The following KCNC2 variants were observed in gnomAD, a reference collection of about 807,000 sequenced individuals.
The protein encoded by KCNC2 is potassium voltage-gated channel subfamily C member 2, also known as voltage-gated potassium channel KCNC2.
KCNC2 carries 21 observed loss-of-function variants against 44.5 expected under a neutral mutation model. The observed-to-expected ratio is 0.47, with a 90% confidence interval of 0.33 to 0.68. KCNC2 has a LOEUF of 0.68. KCNC2 is among the 30% of genes least tolerant of loss of function. The pLI is 0.01. For synonymous variants in KCNC2, 391 were observed against 339.1 expected, an observed-to-expected ratio of 1.15 and a Z score of -1.68; for missense variants, 589 against 826.2, an observed-to-expected ratio of 0.71 and a Z score of 3.52.
rs1565840216 is a variant in KCNC2, at chr12:75,084,251, TGATGATA to T, written c.688-32941_688-32935del. Among the ~76,000 whole-genome samples, 52 of 135,512 alleles carry T rather than the reference TGATGATA, an allele frequency of 3.8e-4. No homozygotes were observed. In the Middle Eastern group the frequency reaches 0.011, roughly 29 times the overall value. 88.9% of individuals were successfully genotyped at this position (135,512 alleles called of 152,430 possible). On this transcript the variant is annotated intron_variant, in intron 2 of 4. Transcript: ENST00000549446. Reference sequence around the variant, plus strand: ...TAGATATAGATAGATAGATAGATGATGATGATAGATAGATAGATTAGATAGATAGATA... The same window carrying T: ...TAGATATAGATAGATAGATAGATGATGATAGATAGATTAGATAGATAGATA...
intron 2 of KCNC2, among the ~76,000 whole-genome samples, chr12:75,205,832 G>A (rs1245110008): frequency 7.2e-6 from 1 of 138,050 alleles, no homozygotes; most frequent in African/African-American, 2.8e-5. Context: ...TTGTTTGGTT[G>A]GTTTGGGTTT....
At position 75,146,016 on chromosome 12, in the gene KCNC2, C is replaced by T. The variant is rs564840654; in HGVS notation, c.687+61281G>A. On this transcript the variant is annotated intron_variant, in intron 2 of 4. Coordinates refer to ENST00000549446, the MANE Select transcript of KCNC2 (RefSeq NM_139137.4). ...TTGCCCAGGCTTGAGTGCAGTGGCG[C>T]GATCTCTGTTCACTGCAGGTTCCAC... Among the ~76,000 whole-genome samples, 16 of 149,280 alleles carry T rather than the reference C, an allele frequency of 1.1e-4. No homozygotes were observed. In the East Asian group the frequency reaches 1.6e-3, roughly 15 times the overall value.
chr12:75,070,109 G>T (rs1052514590), intron 2 of KCNC2, among the ~76,000 whole-genome samples: 3 of 152,124 alleles, frequency 2.0e-5, no homozygotes, highest in African/African-American at 7.2e-5. Flanking sequence ...ATGAATAAAA[G>T]AATATTGATA....
At chr12:75,147,657 A>T (rs1335402656) in intron 2 of KCNC2, among the ~76,000 whole-genome samples, 3 of 152,158 alleles carry the variant, frequency 2.0e-5, no homozygotes, top group Non-Finnish European at 4.4e-5. Flanking sequence ...GCAAGACGAA[A>T]TTTTCTGAGC....
chr12:75,042,131 G>T lies in KCNC2; in HGVS notation c.*974C>A. On this transcript the variant is annotated 3_prime_UTR_variant, in exon 5 of 5. Transcript: ENST00000549446. ...AATTAATAAATAAAAATAAAATAAG[G>T]GGGTAAAAAAAAGACACAAGAGCTT... is the stretch of plus-strand genomic sequence containing the variant. The T allele has an allele frequency of 8.0e-7, 1 of 1,250,710 alleles. No homozygotes were observed. Among genetic ancestry groups the T allele is most frequent in the Non-Finnish European group, 1.0e-6 (1 of 995,062 alleles). 77.5% of individuals were successfully genotyped at this position (1,250,710 alleles called of 1,614,324 possible).
chr12:75,170,257 T>C (rs1417375903), intron 2 of KCNC2, among the ~76,000 whole-genome samples: 4 of 151,742 alleles, frequency 2.6e-5, no homozygotes, highest in East Asian at 3.9e-4. Context: ...GATAGCAAAA[T>C]GGAGGCTTAA....
intron 2 of KCNC2, among the ~76,000 whole-genome samples, chr12:75,080,778 T>C (rs993982949): frequency 6.6e-6 from 1 of 152,030 alleles, no homozygotes; most frequent in Non-Finnish European, 1.5e-5. Context: ...TCTCTCCCCC[T>C]CCGCCCACCA....
intron 2 of KCNC2, among the ~76,000 whole-genome samples, chr12:75,069,750 A>G (rs1883211684): frequency 6.6e-6 from 1 of 152,202 alleles, no homozygotes; most frequent in South Asian, 2.1e-4. Flanking sequence ...AGATCTAAGC[A>G]TACAAACTTT....
At chr12:75,206,390 C>T (rs2031690232) in intron 2 of KCNC2, among the ~76,000 whole-genome samples, 1 of 152,076 alleles carries the variant, frequency 6.6e-6, no homozygotes, top group South Asian at 2.1e-4. Flanking sequence ...TTATTGGTTA[C>T]TTTTATAATC....
intron 2 of KCNC2, among the ~76,000 whole-genome samples, chr12:75,098,270 C>T (rs924732046): frequency 1.3e-5 from 2 of 152,136 alleles, no homozygotes; most frequent in Admixed American, 1.3e-4. Context: ...CCCTTAAGTA[C>T]TCACATGTCT....
intron 4 of KCNC2, chr12:75,044,886 G>A (rs1880305734): frequency 6.6e-6 from 1 of 151,816 alleles, no homozygotes; most frequent in African/African-American, 2.4e-5. Context: ...CATGAGAAGT[G>A]GTATATATTT....
chr12:75,150,974 T>C lies in KCNC2; in HGVS notation c.687+56323A>G, dbSNP rs562765985. On this transcript the variant is annotated intron_variant, in intron 2 of 4. Coordinates refer to ENST00000549446, the MANE Select transcript of KCNC2 (RefSeq NM_139137.4). ...TAACACTTAAGATATCTGCTTCCAT[T>C]AGTATGGTGGATTATATGCTCTACA... Among the ~76,000 whole-genome samples, 12 of 152,020 alleles carry C rather than the reference T, an allele frequency of 7.9e-5. No homozygotes were observed. The South Asian group carries it at 2.5e-3, about 32-fold the overall frequency.
chr12:75,179,233 TTTTA>T (rs1276050915), intron 2 of KCNC2, among the ~76,000 whole-genome samples: 2 of 151,984 alleles, frequency 1.3e-5, no homozygotes, highest in African/African-American at 4.8e-5. Context: ...TGATACAGTA[TTTTA>T]TTTGTCTTTA....
At chr12:75,050,259 A>G (rs1881021914) in intron 3 of KCNC2, 131 bp downstream of exon 3, 3 of 690,232 alleles carry the variant, frequency 4.3e-6, no homozygotes, top group Non-Finnish European at 7.5e-6. Context: ...TGACACAAAC[A>G]CACATTTCGT....
chr12:75,127,378 G>A (rs972357168), intron 2 of KCNC2, among the ~76,000 whole-genome samples: 1 of 152,090 alleles, frequency 6.6e-6, no homozygotes, highest in Non-Finnish European at 1.5e-5. Flanking sequence ...ATGGAACTAC[G>A]GAGACAACAG....
intron 2 of KCNC2, among the ~76,000 whole-genome samples, chr12:75,140,354 G>A (rs1187288819): frequency 2.0e-5 from 3 of 152,186 alleles, no homozygotes; most frequent in Non-Finnish European, 2.9e-5. Context: ...ATAGATAGGT[G>A]TGATTTGTCA....
intron 2 of KCNC2, among the ~76,000 whole-genome samples, chr12:75,177,718 CA>C (rs955756470): frequency 1.2e-4 from 18 of 151,878 alleles, no homozygotes; most frequent in Non-Finnish European, 2.9e-5. Context: ...ATGATTTCTT[CA>C]AAAATTTTCA....
chr12:75,113,794 C>T (rs1163868139), intron 2 of KCNC2, among the ~76,000 whole-genome samples: 2 of 152,144 alleles, frequency 1.3e-5, no homozygotes, highest in Non-Finnish European at 2.9e-5. Flanking sequence ...CAGTCTTGTC[C>T]ATGTCCTTTA....
At chr12:75,168,658 C>T (rs1891614494) in intron 2 of KCNC2, among the ~76,000 whole-genome samples, 1 of 151,596 alleles carries the variant, frequency 6.6e-6, no homozygotes, top group African/African-American at 2.4e-5. Context: ...TCTTACCATA[C>T]CAAAACTGGC....
Sources: gnomAD v4.1 joint callset for allele counts (sites outside exome capture counted in the v4.1 genomes callset) on GRCh38, gnomAD v4.1.1 for gene constraint, MANE v1.5 for transcripts, NCBI Gene and HGNC (gene_info 2026-07-23, HGNC 2026-07-21) for gene names.